The following TRIM55 variants were observed in gnomAD, a reference collection of about 807,000 sequenced individuals.
The protein encoded by TRIM55 is tripartite motif-containing protein 55.
TRIM55 carries 50 observed loss-of-function variants against 60.9 expected under a neutral mutation model. The observed-to-expected ratio is 0.82, with a 90% CI of 0.65 to 1.04. The LOEUF is 1.04. Among genes scored for constraint, TRIM55 ranks in the 50% least tolerant of loss-of-function variants. TRIM55 has a pLI of 0.00. For missense variants in TRIM55, 681 were observed against 666.9 expected (o/e 1.02, Z -0.23); for synonymous variants, 237 against 238.1 (o/e 1.00, Z 0.04).
intron 9 of TRIM55, among the ~76,000 whole-genome samples, chr8:66,173,980 T>C (rs1288831042): frequency 6.6e-6 from 1 of 152,052 alleles, no homozygotes; most frequent in Non-Finnish European, 1.5e-5. Context: ...AGTAAGAAAA[T>C]ATATATGTAT....
chr8:66,146,132 C>T (rs988074797), intron 4 of TRIM55, among the ~76,000 whole-genome samples: 1 of 152,084 alleles, frequency 6.6e-6, no homozygotes, highest in Non-Finnish European at 1.5e-5. Context: ...TGATCCAGTA[C>T]CAATATATGC....
chr8:66,162,519 T>A (rs1811111045), intron 9 of TRIM55, among the ~76,000 whole-genome samples: 1 of 151,854 alleles, frequency 6.6e-6, no homozygotes, highest in Non-Finnish European at 1.5e-5. Context: ...GGTATTAGGG[T>A]AATACTGGCT....
In TRIM55 at chr8:66,152,574, T is replaced by C. The variant is rs540998700; in HGVS notation, c.1183T>C (p.Ser395Pro). Residue 395 changes from serine to proline, a missense_variant, in exon 8 of 10, where the codon TCT becomes CCT. Transcript: ENST00000315962. ...TGCCCCTGGGGCACTTCCAGTTTCCTCTCCAGAGCCACCTCCAGCCCTGCC... is the reference window on the plus strand; with the variant it reads ...TGCCCCTGGGGCACTTCCAGTTTCCCCTCCAGAGCCACCTCCAGCCCTGCC... ...QAAPGALPVS[S>P]PEPPPALPPA... is the part of the protein sequence containing the mutation. 11 of 1,614,044 alleles carry C rather than the reference T, an allele frequency of 6.8e-6. No individual in the cohort carries two copies. The African/African-American group carries it at 1.5e-4, about 22-fold the overall frequency.
chr8:66,122,487 G>A (rs1023992275), upstream of TRIM55, among the ~76,000 whole-genome samples: 7 of 152,010 alleles, frequency 4.6e-5, no homozygotes, highest in African/African-American at 1.7e-4. Flanking sequence ...TGATCACCTT[G>A]GGCACACGTC....
At chr8:66,121,008 T>C in the TRIM55 span, among the ~76,000 whole-genome samples, 4 of 151,926 alleles carry the variant, frequency 2.6e-5, no homozygotes, top group Middle Eastern at 3.4e-3. Context: ...CAGAATTCCA[T>C]TGCAGATCTA....
At chr8:66,138,202 G>A (rs189273944) in intron 4 of TRIM55, among the ~76,000 whole-genome samples, 5 of 152,112 alleles carry the variant, frequency 3.3e-5, no homozygotes, top group East Asian at 1.9e-4. Flanking sequence ...TTTATTTCCC[G>A]TTATCCTCAT....
chr8:66,155,742 A>T (rs1287760064), intron 9 of TRIM55: 44 of 1,409,422 alleles, frequency 3.1e-5, no homozygotes, highest in Non-Finnish European at 4.4e-5. Context: ...CTTGACTAAC[A>T]TCTCACATAG....
At position 66,151,713 on chromosome 8, in the gene TRIM55, G is replaced by T. The variant is rs193292826; in HGVS notation, c.986-664G>T. On this transcript the variant is annotated intron_variant, in intron 7 of 9. Coordinates refer to ENST00000315962, the MANE Select transcript of TRIM55 (RefSeq NM_184085.2). The stretch of plus-strand genomic sequence containing the variant: ...AAAAAAATTAGCCGGGCGTGGTGGC[G>T]TACGCCTGTAATCCCAGCTACTCCA... Among the ~76,000 whole-genome samples the T allele has an allele frequency of 1.9e-3, 292 of 152,016 alleles. 4 individuals are homozygous for T. Among genetic ancestry groups the T allele is most frequent in the Non-Finnish European group, 3.4e-4 (23 of 67,930 alleles).
At chr8:66,113,422 A>T in the TRIM55 span, 1 of 437,734 alleles carries the variant, frequency 2.3e-6, no homozygotes. Flanking sequence ...TCAGCAGGAG[A>T]CATCCTTAGG....
chr8:66,159,889 G>A (rs893676472), intron 9 of TRIM55, among the ~76,000 whole-genome samples: 3 of 152,120 alleles, frequency 2.0e-5, no homozygotes, highest in Non-Finnish European at 4.4e-5. Context: ...TTATTAAGTT[G>A]TTTATCTTCC....
the TRIM55 span, among the ~76,000 whole-genome samples, chr8:66,119,407 T>C: frequency 0.17 from 26,313 of 152,148 alleles, 3,851 homozygotes; most frequent in African/African-American, 0.41. Context: ...AAGTTCTTTG[T>C]TCTGTTTGAT....
intron 4 of TRIM55, among the ~76,000 whole-genome samples, chr8:66,147,754 C>T (rs1349983735): frequency 1.4e-5 from 2 of 139,710 alleles, no homozygotes; most frequent in Non-Finnish European, 3.0e-5. Flanking sequence ...GAGATCGCGC[C>T]ATTGCACTCC....
At chr8:66,172,388 A>G (rs1477929417) in intron 9 of TRIM55, among the ~76,000 whole-genome samples, 2 of 152,148 alleles carry the variant, frequency 1.3e-5, no homozygotes, top group African/African-American at 4.8e-5. Context: ...TTATCTAAAG[A>G]TACTCAGGAT....
chr8:66,122,630 C>A (rs1673732321), upstream of TRIM55, among the ~76,000 whole-genome samples: 1 of 152,130 alleles, frequency 6.6e-6, no homozygotes, highest in African/African-American at 2.4e-5. Flanking sequence ...TCTAAGCCCC[C>A]CAACTCACTG....
chr8:66,134,319 G>T (rs184136557), intron 2 of TRIM55, among the ~76,000 whole-genome samples: 35 of 152,260 alleles, frequency 2.3e-4, no homozygotes, highest in African/African-American at 7.0e-4. Flanking sequence ...AATTCCTGGG[G>T]TTTATATAAG....
At chr8:66,172,787 T>C (rs1811714054) in intron 9 of TRIM55, among the ~76,000 whole-genome samples, 1 of 152,216 alleles carries the variant, frequency 6.6e-6, no homozygotes, top group Non-Finnish European at 1.5e-5. Context: ...AGAAACTGCC[T>C]TCAAGAAAAA....
intron 4 of TRIM55, among the ~76,000 whole-genome samples, chr8:66,149,144 G>T (rs1795320840): frequency 6.6e-6 from 1 of 152,160 alleles, no homozygotes; most frequent in Admixed American, 6.5e-5. Flanking sequence ...TGGGAGGAGG[G>T]AATCCTAGCT....
chr8:66,174,232 T>G (rs1336415294), intron 9 of TRIM55, among the ~76,000 whole-genome samples: 1 of 151,810 alleles, frequency 6.6e-6, no homozygotes, highest in Non-Finnish European at 1.5e-5. Flanking sequence ...CTCCACTGCA[T>G]GCATTACTGT....
chr8:66,173,528 T>G (rs978048151), intron 9 of TRIM55, among the ~76,000 whole-genome samples: 14 of 152,228 alleles, frequency 9.2e-5, no homozygotes, highest in Non-Finnish European at 1.5e-4. Flanking sequence ...TGTGGCTACC[T>G]CACTGCTTTG....
Sources: allele counts gnomAD v4.1 joint callset (sites outside exome capture counted in the v4.1 genomes callset), GRCh38; gene constraint gnomAD v4.1.1; transcripts MANE v1.5; gene names NCBI Gene and HGNC (gene_info 2026-07-23, HGNC 2026-07-21).